Variants in RSBN1L observed in about 807,000 individuals in gnomAD.
RSBN1L encodes round spermatid basic protein 1 like, also known as lysine-specific demethylase RSBN1L.
Under a neutral mutation model 67.7 loss-of-function variants are expected in RSBN1L, and 30 were observed. The ratio of observed to expected loss-of-function variants is 0.44; its 90% CI spans 0.33 to 0.60. The LOEUF is 0.60. Ranked by LOEUF, RSBN1L falls within the 20% of genes least tolerant of loss-of-function variation. RSBN1L has a pLI of 0.02. For missense variants in RSBN1L, 992 were observed against 1,031.7 expected, an observed-to-expected ratio of 0.96 and a Z score of 0.53; for synonymous variants, 433 against 387.0, an observed-to-expected ratio of 1.12 and a Z score of -1.39.
chr7:77,714,149 T>A (rs1428501087), intron 1 of RSBN1L, among the ~76,000 whole-genome samples: 2 of 152,244 alleles, frequency 1.3e-5, no homozygotes, highest in East Asian at 3.9e-4. Context: ...ACTCTATCTT[T>A]AGGATAGATT....
chr7:77,696,895 C>T lies in RSBN1L; in HGVS notation c.426C>T (p.Leu142=). 4.4e-6 allele frequency: 7 copies of T among 1,607,026 alleles called. No individual in the cohort carries two copies. Among genetic ancestry groups the T allele is most frequent in the East Asian group, 2.2e-5 (1 of 44,866 alleles). Residue 142 remains leucine (L), a synonymous_variant, in exon 1 of 8, where the codon CTC becomes CTT. Transcript: ENST00000334955. ...PTLLHAQPHH[L]LLPAAAAAAS... ...TGCTGCACGCTCAGCCTCACCATCTCCTCCTGCCCGCCGCCGCCGCCGCTG... is the reference window on the plus strand; with the variant it reads ...TGCTGCACGCTCAGCCTCACCATCTTCTCCTGCCCGCCGCCGCCGCCGCTG...
In RSBN1L at chr7:77,697,332, C is replaced by T. The variant is rs1037393008; in HGVS notation, c.586+277C>T. On this transcript the variant is annotated intron_variant, in intron 1 of 7. Coordinates refer to ENST00000334955, the MANE Select transcript of RSBN1L (RefSeq NM_198467.3). The stretch of plus-strand genomic sequence containing the variant: ...CGCTGCAGGATTTGTGAAAATCCAT[C>T]TTGAGGACTCTCCTAGGTTTGTTTG... The T allele has an allele frequency of 5.4e-5, 18 of 333,780 alleles. 1 individual carries two copies. The highest frequency in any genetic ancestry group is 4.4e-4 in the Admixed American group (9 of 20,358). 20.7% of individuals were successfully genotyped at this position (333,780 alleles called of 1,614,324 possible). A position where few individuals can be genotyped will look rare whatever the true frequency, so the allele number is the denominator to read the frequency against.
At chr7:77,731,667 G>A (rs1791273844) in intron 1 of RSBN1L, among the ~76,000 whole-genome samples, 1 of 151,972 alleles carries the variant, frequency 6.6e-6, no homozygotes, top group Admixed American at 6.6e-5. Flanking sequence ...TTAGTCCCTT[G>A]ACTGTGTCTT....
chr7:77,767,760 CCCCCTT>C (rs1231886881), intron 4 of RSBN1L, among the ~76,000 whole-genome samples: 2 of 81,314 alleles, frequency 2.5e-5, no homozygotes, highest in East Asian at 1.1e-3. Context: ...CTTTTTCCCT[CCCCCTT>C]CCCCTCCTCT....
chr7:77,744,002 A>T (rs1791447970), intron 2 of RSBN1L, among the ~76,000 whole-genome samples: 1 of 152,086 alleles, frequency 6.6e-6, no homozygotes, highest in Non-Finnish European at 1.5e-5. Flanking sequence ...TTGGGATTAC[A>T]GGCATCAGCC....
At chr7:77,758,118 A>G (rs1223763994) in intron 3 of RSBN1L, among the ~76,000 whole-genome samples, 1 of 152,160 alleles carries the variant, frequency 6.6e-6, no homozygotes, top group Non-Finnish European at 1.5e-5. Context: ...AAAAGAGTAT[A>G]TATAGTAATG....
chr7:77,756,382 C>CT (rs1791617508), intron 3 of RSBN1L, among the ~76,000 whole-genome samples: 1 of 152,112 alleles, frequency 6.6e-6, no homozygotes, highest in South Asian at 2.1e-4. Context: ...ATCTACCTGC[C>CT]TCGGCCTCCC....
At chr7:77,708,250 G>A (rs914388448) in intron 1 of RSBN1L, among the ~76,000 whole-genome samples, 4 of 152,012 alleles carry the variant, frequency 2.6e-5, no homozygotes, top group Non-Finnish European at 5.9e-5. Context: ...GAGGCAGGAG[G>A]GTGCGTGGTG....
intron 1 of RSBN1L, among the ~76,000 whole-genome samples, chr7:77,727,653 A>T (rs1791224532): frequency 6.7e-6 from 1 of 150,094 alleles, no homozygotes; most frequent in Non-Finnish European, 1.5e-5. Flanking sequence ...CCCTGTAGAG[A>T]CAAGGCCTCA....
At chr7:77,718,646 A>G (rs371995070) in intron 1 of RSBN1L, among the ~76,000 whole-genome samples, 2 of 152,190 alleles carry the variant, frequency 1.3e-5, no homozygotes, top group East Asian at 1.9e-4. Flanking sequence ...GAGTCAGTGC[A>G]TGTCTTGTAT....
chr7:77,721,321 C>T lies in RSBN1L; in HGVS notation c.587-15089C>T, dbSNP rs534316412. Among the ~76,000 whole-genome samples the T allele has an allele frequency of 3.3e-5, 5 of 151,696 alleles. No homozygotes were observed. In the East Asian group the frequency reaches 7.7e-4, roughly 23 times the overall value. On this transcript the variant is annotated intron_variant, in intron 1 of 7. Transcript: ENST00000334955. ...TCCTTCTTTTTACTTAAATCTTTTGCCTCCTGGAAACTTCATTCACATTGA... is the reference window on the plus strand; with the variant it reads ...TCCTTCTTTTTACTTAAATCTTTTGTCTCCTGGAAACTTCATTCACATTGA...
intron 1 of RSBN1L, among the ~76,000 whole-genome samples, chr7:77,707,239 G>A (rs1186625413): frequency 2.0e-5 from 3 of 152,150 alleles, no homozygotes; most frequent in African/African-American, 7.2e-5. Flanking sequence ...GACCAGACTG[G>A]TCTTGAATGC....
At chr7:77,757,866 TTG>T (rs1466405165) in intron 3 of RSBN1L, among the ~76,000 whole-genome samples, 3 of 152,172 alleles carry the variant, frequency 2.0e-5, no homozygotes, top group African/African-American at 7.2e-5. Flanking sequence ...TCTGCTTGTG[TTG>T]TGTTTGCTAA....
Position 77,759,228 on chromosome 7 carries a change from C to A in RSBN1L, c.1345-6267C>A, listed in dbSNP as rs115631072. On this transcript the variant is annotated intron_variant, in intron 3 of 7. Transcript: ENST00000334955. ...ATTGCTTGCCTTTGTACTAAATTTT[C>A]ATTTTGACCAATTGTGCCTGCCCCA... Among the ~76,000 whole-genome samples the A allele has an allele frequency of 9.9e-3, 1,514 of 152,236 alleles. 27 individuals carry two copies. Among genetic ancestry groups the A allele is most frequent in the African/African-American group, 0.034 (1,410 of 41,546 alleles).
At chr7:77,713,997 A>G (rs1791011317) in intron 1 of RSBN1L, among the ~76,000 whole-genome samples, 1 of 152,188 alleles carries the variant, frequency 6.6e-6, no homozygotes, top group Admixed American at 6.5e-5. Flanking sequence ...TCATTTATTG[A>G]CTAGTCCTTC....
chr7:77,696,818 T>A lies in RSBN1L; in HGVS notation c.349T>A (p.Ser117Thr), dbSNP rs1790736669. The change falls in exon 1 of 8, where the codon TCC (serine) becomes ACC (threonine). Residue 117 changes from serine to threonine, a missense_variant. By Grantham distance (58) the Ser-to-Thr change is moderately conservative. This residue lies in a region of RSBN1L where 575 missense variants were observed against 483.2 expected (regional missense o/e 1.19). Transcript: ENST00000334955. The part of the protein sequence containing the change: ...SAGTAVPSSA[S>T]ASLSQPVPRK... The stretch of plus-strand genomic sequence containing the variant: ...TGGCACGGCCGTTCCCTCCTCAGCC[T>A]CCGCTTCCTTGTCTCAGCCGGTGCC... The A allele has an allele frequency of 6.2e-7, 1 of 1,613,508 alleles. No homozygotes were observed. Among genetic ancestry groups the A allele is most frequent in the Admixed American group, 1.7e-5 (1 of 60,012 alleles).
intron 2 of RSBN1L, among the ~76,000 whole-genome samples, chr7:77,740,400 G>C (rs1791392590): frequency 6.6e-6 from 1 of 152,306 alleles, no homozygotes; most frequent in South Asian, 2.1e-4. Context: ...TGAGCAGTTA[G>C]AATGAGGGTT....
At chr7:77,730,651 G>A (rs565905618) in intron 1 of RSBN1L, among the ~76,000 whole-genome samples, 12 of 152,274 alleles carry the variant, frequency 7.9e-5, no homozygotes, top group African/African-American at 2.4e-4. Context: ...AGAAGCATAC[G>A]TTATGTAGCC....
In RSBN1L at chr7:77,781,488, A is replaced by C. The variant is rs1791996636; in HGVS notation, c.*2320A>C. 6.6e-6 allele frequency: 1 copy of C among 152,170 alleles called. No individual in the cohort carries two copies. The highest frequency in any genetic ancestry group is 2.1e-4 in the South Asian group (1 of 4,822). 9.4% of individuals were successfully genotyped at this position (152,170 alleles called of 1,614,324 possible). ...TTAACAAGAGTTGTGTTTTATTTCC[A>C]GTTTTCCAGTAGCATATATGTAGAT... On this transcript the variant is annotated 3_prime_UTR_variant, in exon 8 of 8. Coordinates refer to ENST00000334955, the MANE Select transcript of RSBN1L (RefSeq NM_198467.3).
Sources: gnomAD v4.1 joint callset for allele counts (sites outside exome capture counted in the v4.1 genomes callset) on GRCh38, gnomAD v4.1.1 for gene constraint, gnomAD v4.1.1 regional missense constraint, MANE v1.5 for transcripts, NCBI Gene and HGNC (gene_info 2026-07-23, HGNC 2026-07-21) for gene names.